The following DIP2A variants were observed in gnomAD, a reference collection of about 807,000 sequenced individuals.
DIP2A encodes the protein disco-interacting protein 2 homolog A.
Under a neutral mutation model 177.4 loss-of-function variants are expected in DIP2A, and 85 were observed. The ratio of observed to expected loss-of-function variants is 0.48; its 90% CI spans 0.40 to 0.57. The LOEUF is 0.57. Ranked by LOEUF, DIP2A falls within the 20% of genes least tolerant of loss-of-function variation. DIP2A has a pLI of 0.00. For synonymous variants in DIP2A, 886 were observed against 881.8 expected, an observed-to-expected ratio of 1.00 and a Z score of -0.08; for missense variants, 1,791 against 2,100.2, an observed-to-expected ratio of 0.85 and a Z score of 2.88.
intron 31 of DIP2A, 131 bp from the exon 32 acceptor site, chr21:46,558,092 A>G: frequency 1.1e-6 from 1 of 949,932 alleles, no homozygotes; most frequent in Non-Finnish European, 1.5e-6. Flanking sequence ...GAACAGACAC[A>G]GCCTGCGGAG....
intron 35 of DIP2A, among the ~76,000 whole-genome samples, chr21:46,564,275 C>A (rs1243889998): frequency 6.6e-6 from 1 of 152,228 alleles, no homozygotes; most frequent in Non-Finnish European, 1.5e-5. Context: ...TGGTCCCTGG[C>A]ACCCAGGCAG....
chr21:46,552,414 G>A (rs192797547), intron 25 of DIP2A, among the ~76,000 whole-genome samples: 26 of 152,254 alleles, frequency 1.7e-4, no homozygotes, highest in African/African-American at 6.3e-4. Context: ...ACTGTGCTAG[G>A]AACATTCAGG....
chr21:46,561,070 C>T (rs1463185589), intron 33 of DIP2A: 3 of 937,730 alleles, frequency 3.2e-6, no homozygotes, highest in East Asian at 2.3e-4. Flanking sequence ...GTTAACATCC[C>T]TTTATCTGTC....
chr21:46,496,982 G>A lies in DIP2A; in HGVS notation c.284-6G>A. 3.1e-6 allele frequency: 5 copies of A among 1,611,316 alleles called. No homozygotes were observed. The South Asian group carries it at 5.5e-5, about 18-fold the overall frequency. On this transcript the variant is annotated splice_region_variant and splice_polypyrimidine_tract_variant and intron_variant, in intron 3 of 37. Transcript: ENST00000417564. ...AAGTATTTTTACTGCTGTCCTTCCT[G>A]TGTAGATGTCCACACTGAAGCCGTG...
Position 46,554,135 on chromosome 21 carries a change from A to G in DIP2A, c.3031-34A>G, listed in dbSNP as rs1250862485. On this transcript the variant is annotated intron_variant, in intron 25 of 37. Coordinates refer to ENST00000417564, the MANE Select transcript of DIP2A (RefSeq NM_015151.4). ...TGCGAACAGCCCACCTGCACGCACC[A>G]GCATACAGATGAGCTCAAAGATCGC... 8 of 1,579,968 alleles carry G rather than the reference A, an allele frequency of 5.1e-6. No homozygotes were observed. The Admixed American group carries it at 6.8e-5, about 13-fold the overall frequency.
chr21:46,574,013 CAT>C (rs1372679364), downstream of DIP2A, among the ~76,000 whole-genome samples: 1 of 152,144 alleles, frequency 6.6e-6, no homozygotes, highest in African/African-American at 2.4e-5. Context: ...ATCTAACAGA[CAT>C]ATGCAGAACA....
chr21:46,525,775 C>T (rs1323243934), intron 8 of DIP2A: 1 of 151,756 alleles, frequency 6.6e-6, no homozygotes, highest in South Asian at 2.1e-4. Flanking sequence ...ATTTCTGGAT[C>T]CACTTTAGAA....
Position 46,566,681 on chromosome 21 carries a change from G to A in DIP2A, c.4461G>A (p.Glu1487=). 1.2e-6 allele frequency: 2 copies of A among 1,614,164 alleles called. No individual in the cohort carries two copies. Among genetic ancestry groups the A allele is most frequent in the South Asian group, 1.1e-5 (1 of 91,088 alleles). Reference sequence around the variant, plus strand: ...TCCGAGCACACAGGAGCATCGCTGAGTGGTAAGAGCCCAGGTGGAGGGCGG... The same window carrying A: ...TCCGAGCACACAGGAGCATCGCTGAATGGTAAGAGCCCAGGTGGAGGGCGG... ...SVIRAHRSIA[E]CAVFTWTNLL... is the part of the protein sequence containing the mutation. Residue 1487 remains glutamate (E), a splice_region_variant and synonymous_variant, in exon 37 of 38, where the codon GAG becomes GAA. Transcript: ENST00000417564.
chr21:46,475,883 A>T (rs76334060), intron 1 of DIP2A, among the ~76,000 whole-genome samples: 1 of 152,226 alleles, frequency 6.6e-6, no homozygotes, highest in Non-Finnish European at 1.5e-5. Flanking sequence ...AAAACTATGT[A>T]AATCATCTTT....
intron 22 of DIP2A, 94 bp downstream of exon 22, chr21:46,549,979 G>T: frequency 1.9e-6 from 3 of 1,569,188 alleles, no homozygotes; most frequent in Non-Finnish European, 2.6e-6. Context: ...TGTCCCGCCC[G>T]GTCCTCCCTG....
rs867973985 is a variant in DIP2A at position 46,525,887 on chromosome 21, T to G, written c.1103-3205T>G. Among the ~76,000 whole-genome samples, 825 of 137,868 alleles carry G rather than the reference T, an allele frequency of 6.0e-3. 9 individuals carry two copies. Among genetic ancestry groups the G allele is most frequent in the Middle Eastern group, 0.022 (6 of 268 alleles). The allele number at this position is 137,868 out of a possible 152,430, so 90.4% of individuals were successfully genotyped here. ...GCATTATTATTATTATTATTATTAT[T>G]ATTATTATTATTATTATTATTATTA... On this transcript the variant is annotated intron_variant, in intron 8 of 37. Coordinates refer to ENST00000417564, the MANE Select transcript of DIP2A (RefSeq NM_015151.4).
intron 18 of DIP2A, among the ~76,000 whole-genome samples, chr21:46,544,730 A>C (rs725970): frequency 0.31 from 46,467 of 152,060 alleles, 7,270 homozygotes; most frequent in East Asian, 0.43. Context: ...GAGTTCTGTC[A>C]GGCTCTGGAG....
intron 19 of DIP2A, 131 bp from the exon 20 acceptor site, chr21:46,545,750 G>A: frequency 9.2e-7 from 1 of 1,084,908 alleles, no homozygotes. Flanking sequence ...GGCCTATGCA[G>A]GGCCAGCCTC....
the DIP2A span, among the ~76,000 whole-genome samples, chr21:46,581,630 T>A: frequency 6.6e-6 from 1 of 152,134 alleles, no homozygotes; most frequent in South Asian, 2.1e-4. Flanking sequence ...GGATGGGGTT[T>A]TGTGGGGTCT....
chr21:46,554,786 G>GCCCCCCCCCCCCCCCCCCCT, intron 27 of DIP2A, 36 bp from the exon 28 acceptor site: 1 of 1,519,128 alleles, frequency 6.6e-7, no homozygotes. Flanking sequence ...AGCTTGAGAG[G>GCCCCCCCCCCCCCCCCCCCT]CCCCGCCCAC....
At chr21:46,488,581 ATATT>A (rs1405268311) in intron 2 of DIP2A, among the ~76,000 whole-genome samples, 4 of 152,318 alleles carry the variant, frequency 2.6e-5, no homozygotes, top group African/African-American at 9.6e-5. Flanking sequence ...TGGGCAATAA[ATATT>A]AAATTATGTT....
chr21:46,573,856 G>A (rs1467798095), downstream of DIP2A, among the ~76,000 whole-genome samples: 1 of 151,786 alleles, frequency 6.6e-6, no homozygotes, highest in Non-Finnish European at 1.5e-5. Context: ...TATATGAAAT[G>A]AAAACTGACA....
At position 46,554,691 on chromosome 21, in the gene DIP2A, G is replaced by T. The variant is rs761965979; in HGVS notation, c.3271G>T (p.Val1091Leu). Reference sequence around the variant, plus strand: ...CACACTGCCCACCGTCAAGATGATCGTGGAGGTGCGCCTACCTGGCCCGCG... The same window carrying T: ...CACACTGCCCACCGTCAAGATGATCTTGGAGGTGCGCCTACCTGGCCCGCG... ...GTTLPTVKMIVEVSKSACVLT... is the reference protein window; with the variant it reads ...GTTLPTVKMILEVSKSACVLT... Residue 1091 changes from valine (V) to leucine (L), a missense_variant, in exon 27 of 38, where the codon GTG becomes TTG. By Grantham distance (32) the Val-to-Leu change is conservative. Transcript: ENST00000417564. 3 of 1,567,092 alleles carry T rather than the reference G, an allele frequency of 1.9e-6. No individual in the cohort carries two copies. Among genetic ancestry groups the T allele is most frequent in the Admixed American group, 1.9e-5 (1 of 52,834 alleles).
At chr21:46,506,029 A>G (rs1451047101) in intron 6 of DIP2A, among the ~76,000 whole-genome samples, 4 of 152,210 alleles carry the variant, frequency 2.6e-5, no homozygotes, top group Admixed American at 1.3e-4. Context: ...TGAATAATCA[A>G]TCTTGTATAC....
Sources: gnomAD v4.1 joint callset for allele counts (sites outside exome capture counted in the v4.1 genomes callset) on GRCh38, gnomAD v4.1.1 for gene constraint, MANE v1.5 for transcripts, NCBI Gene and HGNC (gene_info 2026-07-23, HGNC 2026-07-21) for gene names.